C8orf82: variants seen among roughly 807,000 people sequenced by gnomAD.
C8orf82 encodes the protein UPF0598 protein C8orf82.
A neutral mutation model predicts 15.0 loss-of-function variants in C8orf82; 24 were observed. The observed-to-expected ratio is 1.60, with a 90% CI of 1.16 to 2.24. The LOEUF is 2.24. C8orf82 is among the 30% of genes most tolerant of loss of function. The pLI, the probability that C8orf82 is intolerant of heterozygous loss-of-function variation, is 0.00. For missense variants in C8orf82, 388 were observed against 317.4 expected (o/e 1.22, Z -1.69); for synonymous variants, 205 against 152.2 (o/e 1.35, Z -2.55).
At chr8:144,527,987 G>A (rs1312703717) in intron 2 of C8orf82, 37 bp downstream of exon 2, 4 of 1,607,502 alleles carry the variant, frequency 2.5e-6, no homozygotes, top group Non-Finnish European at 3.4e-6. Context: ...GCCCGGAAGG[G>A]AGAAAGAAGG....
At position 144,527,806 on chromosome 8, in the gene C8orf82, G is replaced by A. The variant is rs370115795; in HGVS notation, c.206-19C>T. On this transcript the variant is annotated intron_variant, in intron 2 of 2. Coordinates refer to ENST00000524821, the MANE Select transcript of C8orf82 (RefSeq NM_001001795.2). The stretch of plus-strand genomic sequence containing the variant: ...TGCGGGTCTGGGGGATGAAGGGTGC[G>A]TGTACTCAGCGCGCTGGGCTCCCAA... The A allele has an allele frequency of 4.5e-5, 71 of 1,592,414 alleles. No homozygotes were observed. In the African/African-American group the frequency reaches 8.8e-4, roughly 20 times the overall value.
In C8orf82 at chr8:144,527,369, C is replaced by G; in HGVS notation, c.624G>C (p.Pro208=). The change falls in exon 3 of 3, where the codon CCG becomes CCC. Residue 208 remains proline (P), a synonymous_variant. Coordinates refer to ENST00000524821, the MANE Select transcript of C8orf82 (RefSeq NM_001001795.2). ...RRLALTMDLA[P]LLLAARSP Reference sequence around the variant, plus strand: ...AGGGCGACCGAGCCGCGAGCAGCAGCGGGGCCAGGTCCATGGTGAGGGCGA... The same window carrying G: ...AGGGCGACCGAGCCGCGAGCAGCAGGGGGGCCAGGTCCATGGTGAGGGCGA... 8.2e-7 allele frequency: 1 copy of G among 1,222,286 alleles called. No homozygotes were observed. Among genetic ancestry groups the G allele is most frequent in the Non-Finnish European group, 1.0e-6 (1 of 975,898 alleles). The allele number at this position is 1,222,286 out of a possible 1,614,324, so 75.7% of individuals were successfully genotyped here.
chr8:144,528,435 C>A, intron 1 of C8orf82: 1 of 1,482,804 alleles, frequency 6.7e-7, no homozygotes, highest in Non-Finnish European at 9.0e-7. Context: ...CGGGTGTCTC[C>A]CTGGCAGCGG....
Position 144,527,528 on chromosome 8 carries a change from G to A in C8orf82, c.465C>T (p.Tyr155=). The change falls in exon 3 of 3, where the codon TAC becomes TAT. Residue 155 remains tyrosine, a synonymous_variant. Coordinates refer to ENST00000524821, the MANE Select transcript of C8orf82 (RefSeq NM_001001795.2). ...LLPLAANGRL[Y]HPAPERAGGV... ...CGCCCGCACGCTCCGGCGCCGGGTG[G>A]TACAGGCGCCCGTTGGCGGCCAGGG... is the stretch of plus-strand genomic sequence containing the variant. 1 of 1,380,784 alleles carries A rather than the reference G, an allele frequency of 7.2e-7. No individual in the cohort carries two copies. The highest frequency in any genetic ancestry group is 9.3e-7 in the Non-Finnish European group (1 of 1,074,162). The allele number at this position is 1,380,784 out of a possible 1,614,324, so 85.5% of individuals were successfully genotyped here.
rs1390207078 is a variant in C8orf82 at position 144,528,197 on chromosome 8, A to C, written c.157-125T>G. On this transcript the variant is annotated intron_variant, in intron 1 of 2. Coordinates refer to ENST00000524821, the MANE Select transcript of C8orf82 (RefSeq NM_001001795.2). ...GCCCACTTTTCCTGCTTGTCTGTGC[A>C]CACCGCATGCAGGGAGGCGCGTGAA... 1.3e-5 allele frequency: 20 copies of C among 1,516,958 alleles called. No individual in the cohort carries two copies. The African/African-American group carries it at 2.8e-4, about 21-fold the overall frequency. The allele number at this position is 1,516,958 out of a possible 1,614,324, so 94.0% of individuals were successfully genotyped here.
rs1021399859 is a variant in C8orf82, at chr8:144,526,023, C to T, written c.*1319G>A. 1 of 152,212 alleles carries T rather than the reference C, an allele frequency of 6.6e-6. No individual in the cohort carries two copies. The highest frequency in any genetic ancestry group is 1.5e-5 in the Non-Finnish European group (1 of 68,044). The allele number at this position is 152,212 out of a possible 1,614,324, so 9.4% of individuals were successfully genotyped here. On this transcript the variant is annotated 3_prime_UTR_variant, in exon 3 of 3. Coordinates refer to ENST00000524821, the MANE Select transcript of C8orf82 (RefSeq NM_001001795.2). Reference sequence around the variant, plus strand: ...GATCTGGGCTAAGCCAGCCAGCCCACCCGAAGCCAGGGAAAACAGGGCTGC... The same window carrying T: ...GATCTGGGCTAAGCCAGCCAGCCCATCCGAAGCCAGGGAAAACAGGGCTGC...
In C8orf82 at chr8:144,527,768, G is replaced by A. The variant is rs1014434738; in HGVS notation, c.225C>T (p.Thr75=). The change falls in exon 3 of 3, where the codon ACC becomes ACT. Residue 75 remains threonine (T), a synonymous_variant. Transcript: ENST00000524821. ...TCFKDPQFLV[T]FFSRLRPNRS... ...GGTTGGGTCTCAGGCGGGAGAAGAA[G>A]GTGACCAGGAACTGCGGGTCTGGGG... The A allele has an allele frequency of 2.5e-6, 4 of 1,594,838 alleles. No individual in the cohort carries two copies. Among genetic ancestry groups the A allele is most frequent in the Non-Finnish European group, 3.4e-6 (4 of 1,177,756 alleles).
At chr8:144,528,517 C>G (rs1816472034) in intron 1 of C8orf82, 7 of 1,406,160 alleles carry the variant, frequency 5.0e-6, no homozygotes, top group Non-Finnish European at 6.5e-6. Context: ...AGGGACGCGG[C>G]CCATGTAGGA....
chr8:144,526,836 C>T lies in C8orf82; in HGVS notation c.*506G>A, dbSNP rs1198014890. The T allele has an allele frequency of 6.6e-6, 1 of 152,218 alleles. No individual in the cohort carries two copies. Among genetic ancestry groups the T allele is most frequent in the Non-Finnish European group, 1.5e-5 (1 of 68,038 alleles). The allele number at this position is 152,218 out of a possible 1,614,324, so 9.4% of individuals were successfully genotyped here. A position where few individuals can be genotyped will look rare whatever the true frequency, so the allele number is the denominator to read the frequency against. ...GCCGGGCTCAGGGAGGGCGTGGCCT[C>T]CGCGTTCCCCATCCCCCTCCAGGAC... is the stretch of plus-strand genomic sequence containing the variant. On this transcript the variant is annotated 3_prime_UTR_variant, in exon 3 of 3. Transcript: ENST00000524821.
chr8:144,527,733 C>A lies in C8orf82; in HGVS notation c.260G>T (p.Arg87Leu). Residue 87 changes from arginine to leucine, a missense_variant, in exon 3 of 3, where the codon CGC (arginine) becomes CTC (leucine). Coordinates refer to ENST00000524821, the MANE Select transcript of C8orf82 (RefSeq NM_001001795.2). Reference protein sequence around the residue: ...FSRLRPNRSGRYEAAFPFLSP... With the variant: ...FSRLRPNRSGLYEAAFPFLSP... ...GAGGAAGGGGAAAGCGGCCTCGTAG[C>A]GCCCGCTGCGGTTGGGTCTCAGGCG... 1.9e-6 allele frequency: 3 copies of A among 1,592,492 alleles called. No homozygotes were observed. The highest frequency in any genetic ancestry group is 2.5e-6 in the Non-Finnish European group (3 of 1,176,710).
intron 2 of C8orf82, 109 bp downstream of exon 2, chr8:144,527,915 C>T: frequency 6.7e-7 from 1 of 1,501,556 alleles, no homozygotes; most frequent in Non-Finnish European, 9.2e-7. Flanking sequence ...CTCCTGAGCG[C>T]AGGACGCCCA....
chr8:144,528,616 C>CCGGGGGGG, intron 1 of C8orf82, 145 bp downstream of exon 1: 1 of 296,000 alleles, frequency 3.4e-6, no homozygotes, highest in Non-Finnish European at 5.1e-6. Context: ...GCGCAGGCCC[C>CCGGGGGGG]GCCCACCCAC....
At position 144,527,708 on chromosome 8, in the gene C8orf82, G is replaced by A. The variant is rs766117384; in HGVS notation, c.285C>T (p.Leu95=). The stretch of plus-strand genomic sequence containing the variant: ...AGTTGCGCTCTCTGCCGCAGGGCGA[G>A]AGGAAGGGGAAAGCGGCCTCGTAGC... ...SGRYEAAFPF[L]SPCGRERNFL... The change falls in exon 3 of 3, where the codon CTC becomes CTT. Residue 95 remains leucine, a synonymous_variant. Transcript: ENST00000524821. 2.5e-6 allele frequency: 4 copies of A among 1,588,726 alleles called. No individual in the cohort carries two copies. Among genetic ancestry groups the A allele is most frequent in the Middle Eastern group, 3.3e-4 (2 of 6,042 alleles).
In C8orf82 at chr8:144,527,780, C is replaced by T. The variant is rs1816428355; in HGVS notation, c.213G>A (p.Gln71=). ...GGCGGGAGAAGAAGGTGACCAGGAACTGCGGGTCTGGGGGATGAAGGGTGC... is the reference window on the plus strand; with the variant it reads ...GGCGGGAGAAGAAGGTGACCAGGAATTGCGGGTCTGGGGGATGAAGGGTGC... ...KNFITCFKDP[Q]FLVTFFSRLR... is the part of the protein sequence containing the mutation. Residue 71 remains glutamine (Q), a synonymous_variant, in exon 3 of 3, where the codon CAG becomes CAA. Transcript: ENST00000524821. 6.3e-7 allele frequency: 1 copy of T among 1,594,394 alleles called. No homozygotes were observed. The highest frequency in any genetic ancestry group is 1.3e-5 in the African/African-American group (1 of 74,964).
rs1158312115 is a variant in C8orf82 at position 144,526,683 on chromosome 8, T to G, written c.*659A>C. The G allele has an allele frequency of 6.6e-6, 1 of 152,240 alleles. No individual in the cohort carries two copies. The highest frequency in any genetic ancestry group is 2.4e-5 in the African/African-American group (1 of 41,464). 9.4% of individuals were successfully genotyped at this position (152,240 alleles called of 1,614,324 possible). A position where few individuals can be genotyped will look rare whatever the true frequency, so the allele number is the denominator to read the frequency against. The stretch of plus-strand genomic sequence containing the variant: ...GGAAGAGGATGGAACGCCCTGTGTC[T>G]GCCTCGGGCGCAGTGCGAGGCCCAA... On this transcript the variant is annotated 3_prime_UTR_variant, in exon 3 of 3. Transcript: ENST00000524821.
chr8:144,528,584 T>G lies in C8orf82; in HGVS notation c.156+177A>C, dbSNP rs936207263. The G allele has an allele frequency of 5.0e-6, 6 of 1,204,414 alleles. No homozygotes were observed. The East Asian group carries it at 1.5e-4, about 31-fold the overall frequency. The allele number at this position is 1,204,414 out of a possible 1,614,324, so 74.6% of individuals were successfully genotyped here. A position where few individuals can be genotyped will look rare whatever the true frequency, so the allele number is the denominator to read the frequency against. On this transcript the variant is annotated intron_variant, in intron 1 of 2. Transcript: ENST00000524821. ...TTTCCAGCGCGCTCTCCTCCAGCTCTGAGGAGTCGAGGTTGCCCACCGCGC... is the reference window on the plus strand; with the variant it reads ...TTTCCAGCGCGCTCTCCTCCAGCTCGGAGGAGTCGAGGTTGCCCACCGCGC...
intron 1 of C8orf82, 152 bp downstream of exon 1, chr8:144,528,609 C>CCGGGGGGGGGGGGGGGGGGG: frequency 8.0e-6 from 3 of 375,024 alleles, no homozygotes; most frequent in African/African-American, 3.6e-5. Flanking sequence ...GCCCACCGCG[C>CCGGGGGGGGGGGGGGGGGGG]AGGCCCCGCC....
chr8:144,528,476 T>C (rs1816469220), intron 1 of C8orf82: 5 of 1,462,510 alleles, frequency 3.4e-6, no homozygotes, highest in East Asian at 2.7e-5. Context: ...TGGGGACTTG[T>C]AGGACAGAGT....
Position 144,527,343 on chromosome 8 carries a change from C to G in C8orf82, c.650G>C (p.Ter217SerextTer151), listed in dbSNP as rs1403442286. ...APLLLAARSP[*>S] ...CTCCCGCCTTTCCCTTGGCCCCGCT[C>G]AGGGCGACCGAGCCGCGAGCAGCAG... The change falls in exon 3 of 3, where the codon TGA (stop) becomes TCA (serine). Residue 217 changes from the stop codon to serine (S), a stop_lost. Transcript: ENST00000524821. The G allele has an allele frequency of 2.5e-6, 3 of 1,189,524 alleles. No individual in the cohort carries two copies. Among genetic ancestry groups the G allele is most frequent in the Non-Finnish European group, 3.1e-6 (3 of 958,162 alleles). 73.7% of individuals were successfully genotyped at this position (1,189,524 alleles called of 1,614,324 possible).
Sources: allele counts gnomAD v4.1 joint callset, GRCh38; gene constraint gnomAD v4.1.1; transcripts MANE v1.5; gene names NCBI Gene and HGNC (gene_info 2026-07-23, HGNC 2026-07-21).